AMPD3: variants seen among roughly 807,000 people sequenced by gnomAD.
AMPD3 encodes adenosine monophosphate deaminase 3.
A neutral mutation model predicts 82.3 loss-of-function variants in AMPD3; 57 were observed. The ratio of observed to expected loss-of-function variants is 0.69; its 90% CI spans 0.56 to 0.86. The LOEUF is 0.86. Ranked by LOEUF, AMPD3 falls within the 40% of genes least tolerant of loss-of-function variation. The probability of loss-of-function intolerance (pLI) is 0.00; values close to 1 mark genes in which losing one functional copy is unlikely to be tolerated. For synonymous variants in AMPD3, 381 were observed against 394.7 expected, an observed-to-expected ratio of 0.97 and a Z score of 0.41; for missense variants, 870 against 1,003.8, an observed-to-expected ratio of 0.87 and a Z score of 1.80.
intron 13 of AMPD3, 86 bp from the exon 14 acceptor site, chr11:10,504,463 G>T: frequency 7.4e-7 from 1 of 1,345,644 alleles, no homozygotes; most frequent in Non-Finnish European, 1.1e-6. Context: ...AACCCGCAGT[G>T]TCTGATGTTG....
At chr11:10,475,774 A>G (rs1591456888) in intron 2 of AMPD3, among the ~76,000 whole-genome samples, 1 of 152,266 alleles carries the variant, frequency 6.6e-6, no homozygotes, top group East Asian at 1.9e-4. Flanking sequence ...TTTGGAGATG[A>G]AGGGGGCTAT....
chr11:10,493,239 G>C (rs113102350), intron 6 of AMPD3, 110 bp from the exon 7 acceptor site: 2 of 1,290,632 alleles, frequency 1.5e-6, no homozygotes, highest in Admixed American at 3.4e-5. Flanking sequence ...GGGGCTGCCC[G>C]GATGGCCCAT....
chr11:10,469,307 A>G lies in AMPD3; in HGVS notation c.221+7567A>G, dbSNP rs572997920. Among the ~76,000 whole-genome samples, 12 of 152,312 alleles carry G rather than the reference A, an allele frequency of 7.9e-5. No homozygotes were observed. In the South Asian group the frequency reaches 2.5e-3, roughly 32 times the overall value. ...AAATAGACACAATAAAAAATAATAA[A>G]CGGGGTATCACCACTGATCCCACAG... On this transcript the variant is annotated intron_variant, in intron 2 of 14. Coordinates refer to ENST00000396553, the MANE Select transcript of AMPD3 (RefSeq NM_001025389.2).
chr11:10,504,784 A>C, intron 14 of AMPD3, 125 bp downstream of exon 14: 1 of 918,082 alleles, frequency 1.1e-6, no homozygotes, highest in East Asian at 2.5e-5. Context: ...ACACTCAGGC[A>C]CAGGGAGAGA....
rs554256793 is a variant in AMPD3 at position 10,495,405 on chromosome 11, G to C, written c.1267-165G>C. The C allele has an allele frequency of 6.3e-5, 62 of 984,276 alleles. No homozygotes were observed. In the South Asian group the frequency reaches 9.4e-4, roughly 15 times the overall value. 61.0% of individuals were successfully genotyped at this position (984,276 alleles called of 1,614,324 possible). A position where few individuals can be genotyped will look rare whatever the true frequency, so the allele number is the denominator to read the frequency against. ...ACCAGAGGGGGCCTCTCCTAAAGTG[G>C]AACAAGAGCTTACAGGAGCAGGCAG... On this transcript the variant is annotated intron_variant, in intron 8 of 14. Coordinates refer to ENST00000396553, the MANE Select transcript of AMPD3 (RefSeq NM_001025389.2).
chr11:10,484,287 G>A, intron 4 of AMPD3: 2 of 985,314 alleles, frequency 2.0e-6, no homozygotes, highest in Non-Finnish European at 2.4e-6. Context: ...TCTCTGCTCT[G>A]GGGGAGACAA....
chr11:10,467,609 G>A (rs1450605151), intron 2 of AMPD3, among the ~76,000 whole-genome samples: 1 of 152,186 alleles, frequency 6.6e-6, no homozygotes, highest in Non-Finnish European at 1.5e-5. Flanking sequence ...TATTATCCAG[G>A]AAAACTTCCC....
intron 9 of AMPD3, chr11:10,496,262 T>TG: frequency 1.0e-6 from 1 of 985,318 alleles, no homozygotes; most frequent in African/African-American, 1.7e-5. Flanking sequence ...GCAAAGGCCT[T>TG]GGGGGAACTA....
intron 4 of AMPD3, among the ~76,000 whole-genome samples, chr11:10,483,549 G>A (rs1040260690): frequency 1.2e-4 from 18 of 152,242 alleles, no homozygotes; most frequent in African/African-American, 4.3e-4. Context: ...TACTTTACAT[G>A]GACAGAGGAC....
chr11:10,505,537 A>C (rs1849695591), intron 14 of AMPD3, 171 bp from the exon 15 acceptor site: 1 of 985,312 alleles, frequency 1.0e-6, no homozygotes, highest in Non-Finnish European at 1.2e-6. Context: ...CCTTGAGGAC[A>C]CAGAGGCCAG....
chr11:10,499,922 C>G, intron 10 of AMPD3, 164 bp from the exon 11 acceptor site: 1 of 983,274 alleles, frequency 1.0e-6, no homozygotes, highest in South Asian at 4.7e-5. Context: ...CTTTTCATCC[C>G]TGGGAGGAAT....
chr11:10,507,441 T>A lies in AMPD3; in HGVS notation c.*1557T>A, dbSNP rs1457838076. The A allele has an allele frequency of 6.6e-6, 1 of 152,198 alleles. No individual in the cohort carries two copies. The highest frequency in any genetic ancestry group is 2.4e-5 in the African/African-American group (1 of 41,450). 9.4% of individuals were successfully genotyped at this position (152,198 alleles called of 1,614,324 possible). On this transcript the variant is annotated 3_prime_UTR_variant, in exon 15 of 15. Transcript: ENST00000396553. ...GAAATTGAATGAAAATCCATTGTTA[T>A]CTTAGGGATTAGTTTTGAAAAGCCC...
At chr11:10,453,384 C>T (rs764077726), upstream of AMPD3, among the ~76,000 whole-genome samples, 23 of 152,288 alleles carry the variant, frequency 1.5e-4, no homozygotes, top group Admixed American at 6.5e-4. Flanking sequence ...TGCTGAATGT[C>T]GACCATATTT....
chr11:10,460,689 G>A (rs982678018), intron 1 of AMPD3, among the ~76,000 whole-genome samples: 3 of 152,178 alleles, frequency 2.0e-5, no homozygotes, highest in African/African-American at 7.2e-5. Flanking sequence ...GATTACAGGC[G>A]TGAGCCAATG....
chr11:10,451,177 A>C, upstream of AMPD3: 1 of 1,472,024 alleles, frequency 6.8e-7, no homozygotes, highest in Non-Finnish European at 9.0e-7. Flanking sequence ...GGTGGCGCTG[A>C]CTCCGGTCCG....
At chr11:10,487,139 T>C in intron 5 of AMPD3, 96 bp from the exon 6 acceptor site, 1 of 1,597,208 alleles carries the variant, frequency 6.3e-7, no homozygotes, top group South Asian at 1.1e-5. Context: ...GTCCTGACCC[T>C]TCCAGCCAGG....
In AMPD3 at chr11:10,494,948, C is replaced by T. The variant is rs761471998; in HGVS notation, c.1184C>T (p.Pro395Leu). 2.5e-6 allele frequency: 4 copies of T among 1,614,104 alleles called. No individual in the cohort carries two copies. Among genetic ancestry groups the T allele is most frequent in the Non-Finnish European group, 1.7e-6 (2 of 1,180,046 alleles). The change falls in exon 8 of 15, where the codon CCT becomes CTT. Residue 395 changes from proline to leucine, a missense_variant. Pro to Leu is a moderately conservative substitution (Grantham distance 98). Transcript: ENST00000396553. ...GACAAGTTCAACTCCAAATACAACC[C>T]TGTGGGGGCCAGTGAGCTGCGTGAC... ...RFDKFNSKYN[P>L]VGASELRDLY...
chr11:10,456,153 A>G lies in AMPD3; in HGVS notation c.-6+705A>G, dbSNP rs1400492954. On this transcript the variant is annotated intron_variant, in intron 1 of 14. Transcript: ENST00000396553. This position sits in a 1 kb window ranked among gnomAD's most constrained non-coding sequence, Gnocchi z 4.3. ...ATAACTGGGATTACCTGGGGACTTC[A>G]GGGCTCTTGGAAATTTTCCACTCAT... The G allele has an allele frequency of 4.3e-6, 6 of 1,391,592 alleles. No homozygotes were observed. The highest frequency in any genetic ancestry group is 2.9e-5 in the African/African-American group (2 of 68,856). 86.2% of individuals were successfully genotyped at this position (1,391,592 alleles called of 1,614,324 possible). A position where few individuals can be genotyped will look rare whatever the true frequency, so the allele number is the denominator to read the frequency against.
chr11:10,471,037 G>A (rs1848574608), intron 2 of AMPD3, among the ~76,000 whole-genome samples: 1 of 152,198 alleles, frequency 6.6e-6, no homozygotes, highest in Non-Finnish European at 1.5e-5. Flanking sequence ...AAAGCTGGAG[G>A]CATCACGCTA....
Sources: gnomAD v4.1 joint callset for allele counts (sites outside exome capture counted in the v4.1 genomes callset) on GRCh38, gnomAD v4.1.1 for gene constraint, Gnocchi (gnomAD v3.1) non-coding constraint, MANE v1.5 for transcripts, NCBI Gene and HGNC (gene_info 2026-07-23, HGNC 2026-07-21) for gene names.